Variants in EPHA5 observed in about 807,000 individuals in gnomAD.
EPHA5 encodes the protein ephrin type-A receptor 5.
EPHA5 carries 60 observed loss-of-function variants against 105.0 expected under a neutral mutation model. The ratio of observed to expected loss-of-function variants is 0.57; its 90% CI spans 0.46 to 0.71. The LOEUF (loss-of-function observed/expected upper bound fraction) is 0.71, where lower values mean the gene tolerates loss of function less well. Among genes scored for constraint, EPHA5 ranks in the 30% least tolerant of loss-of-function variants. EPHA5 has a pLI of 0.00. For synonymous variants in EPHA5, 513 were observed against 449.1 expected (o/e 1.14, Z -1.80); for missense variants, 1,218 against 1,274.7 (o/e 0.96, Z 0.68).
intron 8 of EPHA5, among the ~76,000 whole-genome samples, chr4:65,398,540 T>G (rs1580028): frequency 0.8 from 121,665 of 152,048 alleles, 49,091 homozygotes; most frequent in South Asian, 0.92. Context: ...GGGCTAAGCT[T>G]TCACTTCTGT....
chr4:65,568,146 T>C (rs997653648), intron 3 of EPHA5, among the ~76,000 whole-genome samples: 8 of 151,692 alleles, frequency 5.3e-5, no homozygotes, highest in African/African-American at 1.9e-4. Context: ...AGAAAATGTG[T>C]CTGTTACCTC....
intron 3 of EPHA5, among the ~76,000 whole-genome samples, chr4:65,548,169 T>C (rs62300399): frequency 0.15 from 16,938 of 110,612 alleles, 1,548 homozygotes; most frequent in East Asian, 0.35. Flanking sequence ...TAAATAACCA[T>C]ACATAAACTA....
chr4:65,363,808 T>C (rs1354402911), intron 11 of EPHA5, among the ~76,000 whole-genome samples: 3 of 151,542 alleles, frequency 2.0e-5, no homozygotes, highest in Admixed American at 6.6e-5. Flanking sequence ...TCAAGGTCCT[T>C]CCCCTCAGAT....
rs763849676 is a variant in EPHA5, at chr4:65,414,284, ACACTGGGGTGGTTT to A, written c.1673_1686del (p.Glu558ValfsTer56). 6.2e-7 allele frequency: 1 copy of A among 1,613,644 alleles called. No homozygotes were observed. On this transcript the variant is annotated frameshift_variant and splice_region_variant, in exon 7 of 17. Coordinates refer to ENST00000613740, the MANE Select transcript of EPHA5 (RefSeq NM_001281766.3). LOFTEE classifies it high-confidence loss of function. ...GCTGACAGTAATTAAAATGACTTACACACTGGGGTGGTTTCAAACTCAAATCTTCGACTGAAGAC... is the reference window on the plus strand; with the variant it reads ...GCTGACAGTAATTAAAATGACTTACACAAACTCAAATCTTCGACTGAAGAC...
At chr4:65,581,486 G>T (rs1395211120) in intron 3 of EPHA5, among the ~76,000 whole-genome samples, 2 of 151,608 alleles carry the variant, frequency 1.3e-5, no homozygotes, top group Non-Finnish European at 3.0e-5. Flanking sequence ...TACCCAAATT[G>T]GTCTATTTCT....
chr4:65,436,654 G>A (rs970867957), intron 5 of EPHA5, among the ~76,000 whole-genome samples: 1 of 151,934 alleles, frequency 6.6e-6, no homozygotes, highest in African/African-American at 2.4e-5. Flanking sequence ...TCCTCAGATT[G>A]AACAGTGTAG....
At chr4:65,517,204 T>C (rs1455344626) in intron 3 of EPHA5, among the ~76,000 whole-genome samples, 1 of 151,984 alleles carries the variant, frequency 6.6e-6, no homozygotes, top group Non-Finnish European at 1.5e-5. Flanking sequence ...ATTTTATCAC[T>C]TTGAAACATA....
At chr4:65,634,633 C>T (rs1049104689) in intron 2 of EPHA5, among the ~76,000 whole-genome samples, 2 of 151,886 alleles carry the variant, frequency 1.3e-5, no homozygotes, top group East Asian at 1.9e-4. Flanking sequence ...TTGGATCAGG[C>T]TTGTTCTTCA....
chr4:65,537,640 A>G (rs1324969965), intron 3 of EPHA5, among the ~76,000 whole-genome samples: 5 of 151,816 alleles, frequency 3.3e-5, no homozygotes, highest in Non-Finnish European at 5.9e-5. Flanking sequence ...AAGTGATTTT[A>G]GGTTCAACTT....
chr4:65,423,528 A>G (rs774233959), intron 5 of EPHA5, among the ~76,000 whole-genome samples: 17 of 152,048 alleles, frequency 1.1e-4, no homozygotes, highest in Non-Finnish European at 2.2e-4. Context: ...ATTTACATCA[A>G]TATGACATGG....
chr4:65,386,009 T>G (rs979465394), intron 8 of EPHA5, among the ~76,000 whole-genome samples: 2 of 151,880 alleles, frequency 1.3e-5, no homozygotes, highest in Non-Finnish European at 2.9e-5. Flanking sequence ...TGAAAACCAC[T>G]GCTGAGTACT....
chr4:65,322,321 T>C lies in EPHA5; in HGVS notation c.*1793A>G. On this transcript the variant is annotated 3_prime_UTR_variant, in exon 17 of 17. Transcript: ENST00000613740. Reference sequence around the variant, plus strand: ...TAGTTATTTCCCAAAAGTTTATTCTTATATGTGCTAATATTCAAATAAAAC... The same window carrying C: ...TAGTTATTTCCCAAAAGTTTATTCTCATATGTGCTAATATTCAAATAAAAC... 1 of 224,554 alleles carries C rather than the reference T, an allele frequency of 4.5e-6. No individual in the cohort carries two copies. Among genetic ancestry groups the C allele is most frequent in the Admixed American group, 5.7e-5 (1 of 17,412 alleles). 13.9% of individuals were successfully genotyped at this position (224,554 alleles called of 1,614,324 possible). A position where few individuals can be genotyped will look rare whatever the true frequency, so the allele number is the denominator to read the frequency against.
intron 8 of EPHA5, among the ~76,000 whole-genome samples, chr4:65,398,105 A>G (rs978669979): frequency 5.3e-5 from 8 of 152,254 alleles, no homozygotes; most frequent in African/African-American, 1.7e-4. Context: ...CAGCTGAGGA[A>G]CCAAGCATTC....
chr4:65,514,440 A>G (rs1019712200), intron 3 of EPHA5, among the ~76,000 whole-genome samples: 3 of 152,170 alleles, frequency 2.0e-5, no homozygotes, highest in Non-Finnish European at 4.4e-5. Context: ...GAAGAGCTAC[A>G]TGTAGGTATT....
At chr4:65,446,975 A>ATTTTTTTTTT (rs397993760) in intron 5 of EPHA5, among the ~76,000 whole-genome samples, 30 of 112,918 alleles carry the variant, frequency 2.7e-4, no homozygotes, top group African/African-American at 4.8e-4. Flanking sequence ...TTAAAAGCTC[A>ATTTTTTTTTT]TTTTTTTTTT....
At chr4:65,630,888 T>C (rs1277580341) in intron 2 of EPHA5, among the ~76,000 whole-genome samples, 2 of 152,172 alleles carry the variant, frequency 1.3e-5, no homozygotes, top group Non-Finnish European at 2.9e-5. Flanking sequence ...GGATAACTCA[T>C]AAGGTTAGAA....
At position 65,494,854 on chromosome 4, in the gene EPHA5, T is replaced by C. The variant is rs188891797; in HGVS notation, c.1066+534A>G. On this transcript the variant is annotated intron_variant, in intron 4 of 16. Coordinates refer to ENST00000613740, the MANE Select transcript of EPHA5 (RefSeq NM_001281766.3). ...TCCTGAAATATTTCCTGTGTTCTTT[T>C]ATAAATGACTTCTTAGTGGCTTTAT... Among the ~76,000 whole-genome samples, 255 of 152,290 alleles carry C rather than the reference T, an allele frequency of 1.7e-3. 2 individuals carry two copies. Among genetic ancestry groups the C allele is most frequent in the African/African-American group, 5.9e-3 (245 of 41,572 alleles).
At chr4:65,486,951 C>A (rs926736120) in intron 5 of EPHA5, among the ~76,000 whole-genome samples, 2 of 152,128 alleles carry the variant, frequency 1.3e-5, no homozygotes, top group Admixed American at 6.5e-5. Flanking sequence ...TGATAGAGAG[C>A]AAGTTCTGAA....
chr4:65,420,535 C>T lies in EPHA5; in HGVS notation c.1433G>A (p.Gly478Glu), dbSNP rs2149037232. The T allele has an allele frequency of 6.2e-7, 1 of 1,612,628 alleles. No homozygotes were observed. The highest frequency in any genetic ancestry group is 8.5e-7 in the Non-Finnish European group (1 of 1,179,328). Reference sequence around the variant, plus strand: ...AGAGATGCTGTTTTTTGCAATTTTCCCTTTTTTCACATTGGTGACTGGAGA... The same window carrying T: ...AGAGATGCTGTTTTTTGCAATTTTCTCTTTTTTCACATTGGTGACTGGAGA... The part of the protein sequence containing the change: ...APSPVTNVKK[G>E]KIAKNSISLS... The change falls in exon 6 of 17, where the codon GGG becomes GAG. Residue 478 changes from glycine to glutamate, a missense_variant. Around this residue, in one of 3 missense-constraint regions of EPHA5, gnomAD observed 971 missense variants for 1,013.5 expected, o/e 0.96. Coordinates refer to ENST00000613740, the MANE Select transcript of EPHA5 (RefSeq NM_001281766.3).
Sources: gnomAD v4.1 joint callset for allele counts (sites outside exome capture counted in the v4.1 genomes callset) on GRCh38, gnomAD v4.1.1 for gene constraint, gnomAD v4.1.1 regional missense constraint, MANE v1.5 for transcripts, NCBI Gene and HGNC (gene_info 2026-07-23, HGNC 2026-07-21) for gene names.